The following NEBL variants were observed in gnomAD, a reference collection of about 807,000 sequenced individuals.
NEBL encodes the protein LIM and SH3 protein 2.
Under a neutral mutation model 140.2 loss-of-function variants are expected in NEBL, and 122 were observed. The observed-to-expected ratio is 0.87, with a 90% CI of 0.75 to 1.01. NEBL has a LOEUF of 1.01. Among genes scored for constraint, NEBL ranks in the 50% least tolerant of loss-of-function variants. The pLI is 0.00. For synonymous variants in NEBL, 436 were observed against 398.9 expected (o/e 1.09, Z -1.11); for missense variants, 1,365 against 1,231.3 (o/e 1.11, Z -1.62).
In NEBL at chr10:20,918,418, T is replaced by C. The variant is rs945449638; in HGVS notation, c.357+43254A>G. Among the ~76,000 whole-genome samples, 17 of 152,122 alleles carry C rather than the reference T, an allele frequency of 1.1e-4. 1 individual carries two copies. Among genetic ancestry groups the C allele is most frequent in the Admixed American group, 3.3e-4 (5 of 15,266 alleles). On this transcript the variant is annotated intron_variant, in intron 4 of 6. Transcript: ENST00000417816. The stretch of plus-strand genomic sequence containing the variant: ...TTGTGAGTTTGGGAAAGTTATTTAA[T>C]TTCTCAGAGCCAATCATTACTCATC...
intron 4 of NEBL, among the ~76,000 whole-genome samples, chr10:20,941,659 T>C (rs545666586): frequency 1.3e-5 from 2 of 151,470 alleles, no homozygotes; most frequent in Non-Finnish European, 2.9e-5. Context: ...TGTTTGCAGA[T>C]GACATGATTG....
chr10:20,781,385 G>A lies in NEBL; in HGVS notation c.*4362C>T, dbSNP rs1399206807. ...CCAAACTGTACAATGGTTCAATTTT[G>A]ATCACAGGTCAAACATCAAGTTTCA... On this transcript the variant is annotated 3_prime_UTR_variant, in exon 28 of 28. Transcript: ENST00000377122. The A allele has an allele frequency of 1.3e-5, 2 of 152,250 alleles. No homozygotes were observed. The highest frequency in any genetic ancestry group is 2.4e-5 in the African/African-American group (1 of 41,412). 9.4% of individuals were successfully genotyped at this position (152,250 alleles called of 1,614,324 possible).
At chr10:21,051,442 G>C (rs936148843) in intron 2 of NEBL, among the ~76,000 whole-genome samples, 1 of 152,158 alleles carries the variant, frequency 6.6e-6, no homozygotes, top group African/African-American at 2.4e-5. Context: ...ATTCACAACA[G>C]ATAGTTATAG....
chr10:20,947,542 A>C (rs997552272), intron 4 of NEBL, among the ~76,000 whole-genome samples: 1 of 152,208 alleles, frequency 6.6e-6, no homozygotes, highest in Admixed American at 6.5e-5. Flanking sequence ...CTAAAGATAT[A>C]ATTGTAACAG....
chr10:20,819,728 T>G (rs985572205), intron 19 of NEBL, among the ~76,000 whole-genome samples: 1 of 152,080 alleles, frequency 6.6e-6, no homozygotes, highest in African/African-American at 2.4e-5. Flanking sequence ...TTGTTGTTGT[T>G]GTTGTTTTAT....
At chr10:21,199,303 G>A (rs1304250501) in intron 3 of NEBL, among the ~76,000 whole-genome samples, 1 of 152,020 alleles carries the variant, frequency 6.6e-6, no homozygotes, top group Non-Finnish European at 1.5e-5. Flanking sequence ...AAAGTGCTGG[G>A]ATTACAAGAG....
intron 2 of NEBL, among the ~76,000 whole-genome samples, chr10:21,061,344 T>TGTTACATATTATGTGATATGTAAC (rs1564497156): frequency 7.1e-5 from 6 of 84,866 alleles, no homozygotes; most frequent in Admixed American, 2.4e-4. Flanking sequence ...TGATATGTAA[T>TGTTACATATTATGTGATATGTAAC]ATGTTACATA....
At chr10:20,990,478 G>C (rs1348350610) in intron 3 of NEBL, among the ~76,000 whole-genome samples, 2 of 152,172 alleles carry the variant, frequency 1.3e-5, no homozygotes, top group African/African-American at 4.8e-5. Flanking sequence ...ACAGAGAGAA[G>C]ACAGCCATCT....
intron 1 of NEBL, among the ~76,000 whole-genome samples, chr10:21,282,080 T>C (rs1843000038): frequency 6.6e-6 from 1 of 152,212 alleles, no homozygotes; most frequent in Non-Finnish European, 1.5e-5. Flanking sequence ...TTTGTGCGTA[T>C]GTGAGACTTT....
intron 2 of NEBL, chr10:21,126,159 C>G: frequency 6.3e-7 from 1 of 1,580,962 alleles, no homozygotes; most frequent in East Asian, 2.3e-5. Flanking sequence ...TTCTTCAAGC[C>G]TGGTACCCCC....
chr10:20,975,204 G>C (rs542307161), intron 3 of NEBL, among the ~76,000 whole-genome samples: 9 of 152,178 alleles, frequency 5.9e-5, no homozygotes, highest in African/African-American at 2.2e-4. Context: ...ATAAAGAACT[G>C]GACTTTATAA....
At chr10:20,923,175 C>T (rs1406181345) in intron 4 of NEBL, among the ~76,000 whole-genome samples, 1 of 152,050 alleles carries the variant, frequency 6.6e-6, no homozygotes, top group East Asian at 1.9e-4. Flanking sequence ...TCAATCGATC[C>T]TCCAGCCTCA....
At chr10:21,064,723 A>T (rs1835456671) in intron 2 of NEBL, among the ~76,000 whole-genome samples, 1 of 152,202 alleles carries the variant, frequency 6.6e-6, no homozygotes, top group South Asian at 2.1e-4. Flanking sequence ...TTAACTGTAG[A>T]TGTCCATAAT....
intron 4 of NEBL, among the ~76,000 whole-genome samples, chr10:20,905,789 AAGGAG>A (rs1170287348): frequency 6.6e-6 from 1 of 152,202 alleles, no homozygotes; most frequent in Non-Finnish European, 1.5e-5. Context: ...GAGATGAGGG[AAGGAG>A]AGGAGCTGAG....
upstream of NEBL, among the ~76,000 whole-genome samples, chr10:20,901,416 G>C (rs1293948783): frequency 1.3e-5 from 2 of 152,160 alleles, no homozygotes; most frequent in African/African-American, 4.8e-5. Flanking sequence ...GGTCGCCTAT[G>C]ACAAGACTTT....
At position 20,894,128 on chromosome 10, in the gene NEBL, T is replaced by C. The variant is rs76243466; in HGVS notation, c.153+2830A>G. 2.0e-3 allele frequency among the ~76,000 whole-genome samples: 307 copies of C among 152,238 alleles called. 1 individual carries two copies. The highest frequency in any genetic ancestry group is 7.2e-3 in the African/African-American group (301 of 41,536). ...TGGAAGAAGTCCAAAGAGTAACAATTAGGCTGCACCATGAAGAGAAGTCCA... is the reference window on the plus strand; with the variant it reads ...TGGAAGAAGTCCAAAGAGTAACAATCAGGCTGCACCATGAAGAGAAGTCCA... On this transcript the variant is annotated intron_variant, in intron 2 of 27. Coordinates refer to ENST00000377122, the MANE Select transcript of NEBL (RefSeq NM_006393.3).
chr10:20,837,714 T>A (rs1445775663), intron 13 of NEBL, among the ~76,000 whole-genome samples: 1 of 152,190 alleles, frequency 6.6e-6, no homozygotes, highest in Non-Finnish European at 1.5e-5. Context: ...TCTGCTTCAA[T>A]TCTTCAAAGG....
intron 2 of NEBL, among the ~76,000 whole-genome samples, chr10:21,146,966 C>T (rs998284076): frequency 6.6e-6 from 1 of 152,234 alleles, no homozygotes; most frequent in Non-Finnish European, 1.5e-5. Flanking sequence ...TTGATTTCCA[C>T]GGGTTCACAA....
chr10:21,148,767 G>A lies in NEBL; in HGVS notation c.164+23616C>T, dbSNP rs188833826. 1.5e-3 allele frequency among the ~76,000 whole-genome samples: 225 copies of A among 151,954 alleles called. 4 individuals carry two copies. In the East Asian group the frequency reaches 0.037, roughly 25 times the overall value. On this transcript the variant is annotated intron_variant, in intron 2 of 6. Transcript: ENST00000417816. ...TCTCAATCTCCTGACCTTAAGTGAT[G>A]CACCCGCCTCAGCCTCCCAAAGTGC...
Sources: gnomAD v4.1 joint callset for allele counts (sites outside exome capture counted in the v4.1 genomes callset) on GRCh38, gnomAD v4.1.1 for gene constraint, MANE v1.5 for transcripts, NCBI Gene and HGNC (gene_info 2026-07-23, HGNC 2026-07-21) for gene names.